BARD1: variants seen among roughly 807,000 people sequenced by gnomAD.
BARD1 encodes the protein BRCA1-associated RING domain protein 1.
A neutral mutation model predicts 77.0 loss-of-function variants in BARD1; 73 were observed. The observed-to-expected ratio is 0.95, with a 90% confidence interval of 0.79 to 1.15. The LOEUF is 1.15. Among genes scored for constraint, BARD1 ranks in the 50% most tolerant of loss-of-function variants. The probability of loss-of-function intolerance (pLI) is 0.00; values close to 1 mark genes in which losing one functional copy is unlikely to be tolerated. For synonymous variants in BARD1, 384 were observed against 338.0 expected (o/e 1.14, Z -1.49); for missense variants, 993 against 938.8 (o/e 1.06, Z -0.75).
chr2:214,767,461 T>A (rs764780145), intron 6 of BARD1, 21 bp downstream of exon 6: 2 of 1,608,610 alleles, frequency 1.2e-6, no homozygotes, highest in East Asian at 4.5e-5. Context: ...TTAAAAATAA[T>A]TTTTACGTTG....
chr2:214,783,034 G>T (rs1695111639), intron 3 of BARD1, among the ~76,000 whole-genome samples: 1 of 152,184 alleles, frequency 6.6e-6, no homozygotes, highest in Non-Finnish European at 1.5e-5. Flanking sequence ...ATACAAAGTT[G>T]TTCCTCCATA....
intron 3 of BARD1, among the ~76,000 whole-genome samples, chr2:214,789,402 G>T (rs1412753650): frequency 1.3e-5 from 2 of 151,570 alleles, no homozygotes; most frequent in South Asian, 2.1e-4. Context: ...AATTGGCAGG[G>T]TATGTGGTGG....
intron 6 of BARD1, among the ~76,000 whole-genome samples, chr2:214,754,803 T>C (rs1206599326): frequency 1.3e-5 from 2 of 152,188 alleles, no homozygotes; most frequent in Non-Finnish European, 2.9e-5. Context: ...ATGAACTGAA[T>C]GGCACATTAC....
Position 214,745,879 on chromosome 2 carries a change from G to C in BARD1, c.1678-25C>G, listed in dbSNP as rs755501437. The stretch of plus-strand genomic sequence containing the variant: ...TCTGTTAATATAAAAGGAGATACCA[G>C]TGTTAAAAACATTAGACGACTAGAC... On this transcript the variant is annotated intron_variant, in intron 7 of 10. Transcript: ENST00000260947. The C allele has an allele frequency of 1.9e-6, 3 of 1,613,322 alleles. No individual in the cohort carries two copies. The Admixed American group carries it at 5.0e-5, about 27-fold the overall frequency.
intron 9 of BARD1, among the ~76,000 whole-genome samples, chr2:214,742,784 A>G (rs1055846886): frequency 6.6e-6 from 1 of 152,186 alleles, no homozygotes; most frequent in East Asian, 1.9e-4. Context: ...CAAGAACTAG[A>G]CTCAAAAGTT....
chr2:214,728,672 A>C lies in BARD1; in HGVS notation c.*4T>G. On this transcript the variant is annotated 3_prime_UTR_variant, in exon 11 of 11. Coordinates refer to ENST00000260947, the MANE Select transcript of BARD1 (RefSeq NM_000465.4). The stretch of plus-strand genomic sequence containing the variant: ...CAATTTGAAATGTTCATCTGGTATA[A>C]TATTCAGCTGTCAAGAGGAAGCAAC... The C allele has an allele frequency of 6.2e-7, 1 of 1,613,996 alleles. No individual in the cohort carries two copies. The highest frequency in any genetic ancestry group is 8.5e-7 in the Non-Finnish European group (1 of 1,179,920).
intron 9 of BARD1, among the ~76,000 whole-genome samples, chr2:214,737,584 C>T (rs1217084699): frequency 3.3e-5 from 5 of 152,094 alleles, no homozygotes; most frequent in Non-Finnish European, 7.4e-5. Flanking sequence ...TATCAACTTC[C>T]TACTGAACCT....
At chr2:214,753,126 G>A (rs981273290) in intron 6 of BARD1, among the ~76,000 whole-genome samples, 1 of 152,060 alleles carries the variant, frequency 6.6e-6, no homozygotes, top group Non-Finnish European at 1.5e-5. Flanking sequence ...TTCTCAGCAT[G>A]TACTAATTCA....
chr2:214,745,916 AC>A, intron 7 of BARD1, 62 bp from the exon 8 acceptor site: 2 of 1,558,688 alleles, frequency 1.3e-6, no homozygotes, highest in Non-Finnish European at 8.8e-7. Context: ...AAGACATTAA[AC>A]AGACTGTTAC....
At chr2:214,806,430 T>C (rs1434825035) in intron 1 of BARD1, among the ~76,000 whole-genome samples, 1 of 152,144 alleles carries the variant, frequency 6.6e-6, no homozygotes. Flanking sequence ...TTGCCGGCAA[T>C]GTCAGGAGGC....
At chr2:214,751,136 TATATATATATA>T (rs1559393028) in intron 7 of BARD1, among the ~76,000 whole-genome samples, 50 of 46,042 alleles carry the variant, frequency 1.1e-3, no homozygotes, top group South Asian at 2.3e-3. Flanking sequence ...TATATATATA[TATATATATATA>T]TATATTTTTT....
In BARD1 at chr2:214,780,639, G is replaced by A. The variant is rs876660778; in HGVS notation, c.1235C>T (p.Ser412Leu). 2 of 1,613,978 alleles carry A rather than the reference G, an allele frequency of 1.2e-6. No individual in the cohort carries two copies. The highest frequency in any genetic ancestry group is 1.7e-6 in the Non-Finnish European group (2 of 1,179,988). ...CATATTGGGCAACAGCTTCATTGCT[G>A]AGGGACTAGACATCACTCGCCTGTA... ...SSYRRVMSSPSAMKLLPNMAV... is the reference protein window; with the variant it reads ...SSYRRVMSSPLAMKLLPNMAV... Residue 412 changes from serine to leucine, a missense_variant, in exon 4 of 11, where the codon TCA (serine) becomes TTA (leucine). By Grantham distance (145) the Ser-to-Leu change is moderately radical (BLOSUM62 -2). Transcript: ENST00000260947.
At chr2:214,748,335 T>C (rs1225010004) in intron 7 of BARD1, among the ~76,000 whole-genome samples, 2 of 152,114 alleles carry the variant, frequency 1.3e-5, no homozygotes, top group African/African-American at 4.8e-5. Flanking sequence ...TGAATAAGCA[T>C]AGGTCTCTGA....
chr2:214,773,058 A>AGT (rs944407426), intron 4 of BARD1, among the ~76,000 whole-genome samples: 2 of 152,150 alleles, frequency 1.3e-5, no homozygotes, highest in Non-Finnish European at 2.9e-5. Flanking sequence ...TGAAAATAAG[A>AGT]GTGTGTGTGT....
chr2:214,765,989 T>A (rs1694177865), intron 6 of BARD1, among the ~76,000 whole-genome samples: 1 of 152,258 alleles, frequency 6.6e-6, no homozygotes, highest in African/African-American at 2.4e-5. Context: ...TATTTGCATC[T>A]GTTACCATTG....
chr2:214,728,758 C>G lies in BARD1; in HGVS notation c.2252G>C (p.Arg751Pro), dbSNP rs587782246. The G allele has an allele frequency of 1.2e-6, 2 of 1,614,160 alleles. No individual in the cohort carries two copies. Among genetic ancestry groups the G allele is most frequent in the African/African-American group, 1.3e-5 (1 of 75,034 alleles). Residue 751 changes from arginine to proline, a missense_variant, in exon 11 of 11, where the codon CGG becomes CCG. Coordinates refer to ENST00000260947, the MANE Select transcript of BARD1 (RefSeq NM_000465.4). ...DLCNYHPERVRQGKVWKAPSS... is the reference protein window; with the variant it reads ...DLCNYHPERVPQGKVWKAPSS... ...AGGAGCCTTCCAGACTTTGCCCTGC[C>G]GAACCCTCTCTGGGTGATAATTACA...
chr2:214,802,517 A>G (rs1415052717), intron 1 of BARD1, among the ~76,000 whole-genome samples: 1 of 152,088 alleles, frequency 6.6e-6, no homozygotes, highest in Admixed American at 6.6e-5. Context: ...CTGATTTTCT[A>G]TTTCTCTTGT....
intron 2 of BARD1, among the ~76,000 whole-genome samples, chr2:214,795,148 G>A (rs1157386583): frequency 6.6e-6 from 1 of 152,148 alleles, no homozygotes; most frequent in Non-Finnish European, 1.5e-5. Flanking sequence ...GCTACAGAGT[G>A]GGGACAGGGA....
chr2:214,786,271 A>C (rs1695272532), intron 3 of BARD1, among the ~76,000 whole-genome samples: 1 of 152,050 alleles, frequency 6.6e-6, no homozygotes, highest in Non-Finnish European at 1.5e-5. Flanking sequence ...CGTTTTGGGG[A>C]ATAAATTTCT....
Sources: gnomAD v4.1 joint callset for allele counts (sites outside exome capture counted in the v4.1 genomes callset) on GRCh38, gnomAD v4.1.1 for gene constraint, MANE v1.5 for transcripts, NCBI Gene and HGNC (gene_info 2026-07-23, HGNC 2026-07-21) for gene names.